The following SLC39A9 variants were observed in gnomAD, a reference collection of about 807,000 sequenced individuals.
SLC39A9 encodes the protein zinc transporter ZIP9.
Under a neutral mutation model 28.4 loss-of-function variants are expected in SLC39A9, and 14 were observed. The ratio of observed to expected loss-of-function variants is 0.49; its 90% CI spans 0.33 to 0.77. SLC39A9 has a LOEUF of 0.77. SLC39A9 is among the 30% of genes least tolerant of loss of function. The pLI is 0.02. For missense variants in SLC39A9, 283 were observed against 381.1 expected, an observed-to-expected ratio of 0.74 and a Z score of 2.14; for synonymous variants, 119 against 149.6, an observed-to-expected ratio of 0.80 and a Z score of 1.49.
At position 69,399,195 on chromosome 14, in the gene SLC39A9, G is replaced by C. The variant is rs1010443053; in HGVS notation, c.-175G>C. 1 of 620,170 alleles carries C rather than the reference G, an allele frequency of 1.6e-6. No homozygotes were observed. Among genetic ancestry groups the C allele is most frequent in the Non-Finnish European group, 2.8e-6 (1 of 351,088 alleles). 38.4% of individuals were successfully genotyped at this position (620,170 alleles called of 1,614,324 possible). On this transcript the variant is annotated 5_prime_UTR_variant, in exon 1 of 7. Transcript: ENST00000336643. ...CTAATATCAGCAAAAAGGGTCTGTT[G>C]CCGGGTACGTTCAAGAGGAAGGTGC...
chr14:69,431,219 T>G (rs1884475052), intron 2 of SLC39A9, among the ~76,000 whole-genome samples: 2 of 152,206 alleles, frequency 1.3e-5, no homozygotes, highest in Admixed American at 1.3e-4. Context: ...TATTTCATGT[T>G]TTTAGTAATT....
At chr14:69,447,860 C>G (rs1160085204) in intron 3 of SLC39A9, among the ~76,000 whole-genome samples, 1 of 150,472 alleles carries the variant, frequency 6.6e-6, no homozygotes, top group African/African-American at 2.4e-5. Context: ...TTACAGTGAG[C>G]CAATATTGTG....
At chr14:69,404,450 A>C (rs1468144196) in intron 1 of SLC39A9, among the ~76,000 whole-genome samples, 3 of 152,356 alleles carry the variant, frequency 2.0e-5, no homozygotes, top group South Asian at 4.1e-4. Flanking sequence ...ATATAAGCAC[A>C]GGCTTAACAC....
rs2232053 is a variant in SLC39A9 at position 69,399,304 on chromosome 14, T to C, written c.-66T>C. ...AACCACCACACCTGTTTAAAGAACC[T>C]AAGCACCATTTAAAGCCACTGGAAA... On this transcript the variant is annotated 5_prime_UTR_variant, in exon 1 of 7. Coordinates refer to ENST00000336643, the MANE Select transcript of SLC39A9 (RefSeq NM_018375.5). 4.5e-3 allele frequency: 6,320 copies of C among 1,419,150 alleles called. 43 individuals carry two copies. Among genetic ancestry groups the C allele is most frequent in the Middle Eastern group, 0.021 (120 of 5,710 alleles). The allele number at this position is 1,419,150 out of a possible 1,614,324, so 87.9% of individuals were successfully genotyped here. A position where few individuals can be genotyped will look rare whatever the true frequency, so the allele number is the denominator to read the frequency against.
chr14:69,454,363 G>A (rs766819095), intron 4 of SLC39A9, among the ~76,000 whole-genome samples: 13 of 152,100 alleles, frequency 8.5e-5, no homozygotes, highest in Non-Finnish European at 1.6e-4. Context: ...TCCACCTCCC[G>A]GGTTTAAGCA....
chr14:69,446,168 G>A (rs575059269), intron 3 of SLC39A9, among the ~76,000 whole-genome samples: 1 of 152,106 alleles, frequency 6.6e-6, no homozygotes, highest in South Asian at 2.1e-4. Context: ...GAACACACAA[G>A]TATGGAGTGG....
At chr14:69,434,428 G>A (rs1004171098) in intron 2 of SLC39A9, among the ~76,000 whole-genome samples, 1 of 151,048 alleles carries the variant, frequency 6.6e-6, no homozygotes, top group African/African-American at 2.4e-5. Context: ...GCTCACGCCT[G>A]TAATCCCAGT....
At position 69,426,696 on chromosome 14, in the gene SLC39A9, G is replaced by T. The variant is rs558192475; in HGVS notation, c.205+2494G>T. Among the ~76,000 whole-genome samples, 4 of 151,196 alleles carry T rather than the reference G, an allele frequency of 2.6e-5. No homozygotes were observed. The East Asian group carries it at 5.8e-4, about 22-fold the overall frequency. On this transcript the variant is annotated intron_variant, in intron 2 of 6. Coordinates refer to ENST00000336643, the MANE Select transcript of SLC39A9 (RefSeq NM_018375.5). Reference sequence around the variant, plus strand: ...AGCTTAAGACCCCAAGTCCTGCCTTGGGGCAGGTGAAAAGAGGGCAGGAGA... The same window carrying T: ...AGCTTAAGACCCCAAGTCCTGCCTTTGGGCAGGTGAAAAGAGGGCAGGAGA...
At chr14:69,443,931 A>T (rs536231717) in intron 3 of SLC39A9, among the ~76,000 whole-genome samples, 2 of 152,126 alleles carry the variant, frequency 1.3e-5, no homozygotes, top group East Asian at 3.9e-4. Flanking sequence ...CATGCCTGTA[A>T]TCCCAGCACT....
At chr14:69,398,604 G>GT (rs1882439411), upstream of SLC39A9, 2 of 299,808 alleles carry the variant, frequency 6.7e-6, no homozygotes, top group African/African-American at 4.5e-5. Context: ...TGGCGGCAAC[G>GT]TAAGTATCCT....
In SLC39A9 at chr14:69,461,334, G is replaced by T. The variant is rs983626839; in HGVS notation, c.*2741G>T. The T allele has an allele frequency of 1.5e-5, 16 of 1,079,900 alleles. No individual in the cohort carries two copies. The highest frequency in any genetic ancestry group is 4.6e-5 in the Admixed American group (1 of 21,680). 66.9% of individuals were successfully genotyped at this position (1,079,900 alleles called of 1,614,324 possible). Reference sequence around the variant, plus strand: ...CTCCATTCCCCTCACTTATTCTCCAGTTAATTGCTTGTCAGTTCCATTTCA... The same window carrying T: ...CTCCATTCCCCTCACTTATTCTCCATTTAATTGCTTGTCAGTTCCATTTCA... On this transcript the variant is annotated 3_prime_UTR_variant, in exon 7 of 7. Coordinates refer to ENST00000336643, the MANE Select transcript of SLC39A9 (RefSeq NM_018375.5).
intron 1 of SLC39A9, among the ~76,000 whole-genome samples, chr14:69,417,082 T>C (rs1883617894): frequency 6.6e-6 from 1 of 152,208 alleles, no homozygotes; most frequent in South Asian, 2.1e-4. Context: ...CTAGGTTTTC[T>C]TCTAGGGTTT....
intron 1 of SLC39A9, among the ~76,000 whole-genome samples, chr14:69,415,270 C>T (rs1436021993): frequency 6.6e-6 from 1 of 152,156 alleles, no homozygotes; most frequent in Non-Finnish European, 1.5e-5. Context: ...TCCAGTTGCT[C>T]TATATCTTGT....
chr14:69,408,993 G>T (rs1883094486), intron 1 of SLC39A9, among the ~76,000 whole-genome samples: 1 of 152,132 alleles, frequency 6.6e-6, no homozygotes, highest in Non-Finnish European at 1.5e-5. Flanking sequence ...CAGTAACCTT[G>T]AAAGGGAAGA....
At chr14:69,398,489 T>C (rs1309258186), upstream of SLC39A9, 2 of 588,982 alleles carry the variant, frequency 3.4e-6, no homozygotes, top group Non-Finnish European at 6.1e-6. Context: ...GAATTATTTT[T>C]TTTCAAGACG....
chr14:69,454,729 T>C, intron 4 of SLC39A9, 83 bp from the exon 5 acceptor site: 1 of 1,133,098 alleles, frequency 8.8e-7, no homozygotes, highest in Non-Finnish European at 1.3e-6. Context: ...TGGACCTGAC[T>C]GTAAAGCTCA....
intron 1 of SLC39A9, among the ~76,000 whole-genome samples, chr14:69,411,196 AGT>A (rs1883241447): frequency 7.2e-6 from 1 of 138,724 alleles, no homozygotes; most frequent in African/African-American, 2.7e-5. Context: ...TGGGTCATAG[AGT>A]GAGATTCCAT....
chr14:69,422,012 T>C lies in SLC39A9; in HGVS notation c.97-2082T>C, dbSNP rs188091209. The stretch of plus-strand genomic sequence containing the variant: ...TCAGCTCACCCTCCCTGGGCTGCAC[T>C]CACTGTCCAACCCGTCCCAGTGAGA... On this transcript the variant is annotated intron_variant, in intron 1 of 6. Transcript: ENST00000336643. Among the ~76,000 whole-genome samples, 446 of 152,106 alleles carry C rather than the reference T, an allele frequency of 2.9e-3. 3 individuals carry two copies. Among genetic ancestry groups the C allele is most frequent in the African/African-American group, 0.01 (434 of 41,500 alleles).
Position 69,449,333 on chromosome 14 carries a change from T to G in SLC39A9, c.404-3908T>G, listed in dbSNP as rs963519444. Among the ~76,000 whole-genome samples the G allele has an allele frequency of 3.3e-5, 5 of 152,286 alleles. No individual in the cohort carries two copies. In the South Asian group the frequency reaches 1.0e-3, roughly 32 times the overall value. On this transcript the variant is annotated intron_variant, in intron 3 of 6. Coordinates refer to ENST00000336643, the MANE Select transcript of SLC39A9 (RefSeq NM_018375.5). ...TTCTTGTGATTCTTGTCAGTTTCAA[T>G]TTAACGTAGGCTGAGCATGGTGACT... is the stretch of plus-strand genomic sequence containing the variant.
Sources: allele counts gnomAD v4.1 joint callset (sites outside exome capture counted in the v4.1 genomes callset), GRCh38; gene constraint gnomAD v4.1.1; transcripts MANE v1.5; gene names NCBI Gene and HGNC (gene_info 2026-07-23, HGNC 2026-07-21).